Variants in ITPRID1 observed in about 807,000 individuals in gnomAD.
ITPRID1 encodes the protein ITPR interacting domain containing 1.
ITPRID1 carries 96 observed loss-of-function variants against 95.4 expected under a neutral mutation model. The observed-to-expected ratio is 1.01, with a 90% CI of 0.85 to 1.19. The LOEUF is 1.19. Ranked by LOEUF, ITPRID1 falls within the 50% of genes most tolerant of loss-of-function variation. The pLI, the probability that ITPRID1 is intolerant of heterozygous loss-of-function variation, is 0.00. For missense variants in ITPRID1, 1,339 were observed against 1,252.9 expected (o/e 1.07, Z -1.04); for synonymous variants, 510 against 453.6 (o/e 1.12, Z -1.58).
At chr7:31,603,029 A>G (rs1478906079) in intron 10 of ITPRID1, among the ~76,000 whole-genome samples, 1 of 151,330 alleles carries the variant, frequency 6.6e-6, no homozygotes, top group Non-Finnish European at 1.5e-5. Context: ...CTGGCTGCCC[A>G]TGTCTTGGGG....
At chr7:31,599,975 G>C (rs1010280334) in intron 10 of ITPRID1, among the ~76,000 whole-genome samples, 1 of 152,186 alleles carries the variant, frequency 6.6e-6, no homozygotes, top group African/African-American at 2.4e-5. Flanking sequence ...TGGGATTACA[G>C]GCGTGAGCCA....
intron 10 of ITPRID1, among the ~76,000 whole-genome samples, chr7:31,598,395 T>C (rs1671075012): frequency 7.6e-6 from 1 of 130,986 alleles, no homozygotes; most frequent in Admixed American, 7.4e-5. Context: ...TCTTTTTTTT[T>C]TTCTTTTTTT....
chr7:31,550,401 C>G (rs954268304), intron 2 of ITPRID1, among the ~76,000 whole-genome samples: 2 of 152,220 alleles, frequency 1.3e-5, no homozygotes, highest in Non-Finnish European at 2.9e-5. Flanking sequence ...AAAGAATTAG[C>G]AAGAACTAGG....
intron 1 of ITPRID1, among the ~76,000 whole-genome samples, chr7:31,527,920 A>AGTC (rs1783474503): frequency 6.6e-6 from 1 of 152,176 alleles, no homozygotes; most frequent in African/African-American, 2.4e-5. Context: ...TTCTATTTGG[A>AGTC]AGAGTTTTCT....
At chr7:31,636,867 A>G in intron 10 of ITPRID1, among the ~76,000 whole-genome samples, 1 of 129,442 alleles carries the variant, frequency 7.7e-6, no homozygotes, top group Admixed American at 7.6e-5. Context: ...TCCTAATGCT[A>G]TCCCTCCCCC....
chr7:31,595,635 A>G (rs925302925), intron 10 of ITPRID1, among the ~76,000 whole-genome samples: 4 of 152,218 alleles, frequency 2.6e-5, no homozygotes, highest in African/African-American at 4.8e-5. Context: ...AGGCAAATTC[A>G]TAGCACTGAT....
chr7:31,631,212 G>A (rs553434127), intron 10 of ITPRID1, among the ~76,000 whole-genome samples: 1 of 152,220 alleles, frequency 6.6e-6, no homozygotes, highest in African/African-American at 2.4e-5. Context: ...CCTATCAATT[G>A]TTTTTTACAG....
Position 31,653,994 on chromosome 7 carries a change from C to A in ITPRID1, c.*1165C>A, listed in dbSNP as rs534281047. 7.1e-6 allele frequency among the ~76,000 whole-genome samples: 1 copy of A among 140,090 alleles called. No homozygotes were observed. The highest frequency in any genetic ancestry group is 2.2e-4 in the East Asian group (1 of 4,558). 91.9% of individuals were successfully genotyped at this position (140,090 alleles called of 152,430 possible). A position where few individuals can be genotyped will look rare whatever the true frequency, so the allele number is the denominator to read the frequency against. ...CAGGCTACTATTCTAGTGCTGGAGA[C>A]AGCCATAAATAAGACAGATGGACTT... On this transcript the variant is annotated 3_prime_UTR_variant, in exon 15 of 15. Coordinates refer to ENST00000615280, the MANE Select transcript of ITPRID1 (RefSeq NM_001257967.3).
intron 6 of ITPRID1, among the ~76,000 whole-genome samples, chr7:31,570,339 C>T (rs938188422): frequency 6.6e-6 from 1 of 152,148 alleles, no homozygotes; most frequent in Non-Finnish European, 1.5e-5. Flanking sequence ...ACCTACTGAA[C>T]CAGATCATTT....
At chr7:31,619,340 A>T (rs1012486286) in intron 10 of ITPRID1, among the ~76,000 whole-genome samples, 3 of 152,196 alleles carry the variant, frequency 2.0e-5, no homozygotes, top group African/African-American at 7.2e-5. Context: ...GCCAACAATG[A>T]TTGGTGACAA....
At chr7:31,645,874 T>C (rs1265001921) in intron 12 of ITPRID1, among the ~76,000 whole-genome samples, 1 of 152,064 alleles carries the variant, frequency 6.6e-6, no homozygotes, top group Non-Finnish European at 1.5e-5. Context: ...ATGTCAGTAG[T>C]GTCAAGGCTG....
Position 31,578,106 on chromosome 7 carries a change from A to G in ITPRID1, c.842A>G (p.Asp281Gly). Reference protein sequence around the residue: ...PEVSESFKVKDEVFVPFTKPW... With the variant: ...PEVSESFKVKGEVFVPFTKPW... The stretch of plus-strand genomic sequence containing the variant: ...GTATCAGAGTCCTTCAAGGTGAAGG[A>G]TGAAGTTTTTGTTCCCTTTACAAAA... Residue 281 changes from aspartate to glycine, a missense_variant, in exon 9 of 15, where the codon GAT (aspartate) becomes GGT (glycine). Physicochemically the swap from Asp to Gly is moderately conservative, Grantham distance 94. Transcript: ENST00000615280. 2.5e-6 allele frequency: 4 copies of G among 1,613,766 alleles called. No individual in the cohort carries two copies. Among genetic ancestry groups the G allele is most frequent in the Non-Finnish European group, 3.4e-6 (4 of 1,179,810 alleles).
At chr7:31,538,662 A>G (rs1337771003) in intron 1 of ITPRID1, among the ~76,000 whole-genome samples, 1 of 152,206 alleles carries the variant, frequency 6.6e-6, no homozygotes, top group East Asian at 1.9e-4. Flanking sequence ...TCATAATTAC[A>G]TTTCATTTAT....
rs764636129 is a variant in ITPRID1, at chr7:31,554,568, A to T, written c.212+45A>T. 3.1e-6 allele frequency: 5 copies of T among 1,606,720 alleles called. No homozygotes were observed. In the African/African-American group the frequency reaches 5.3e-5, roughly 17 times the overall value. ...TGTGCCTTACATGTTTCTCTTGCAA[A>T]GATCCATGAAAACAATGTGTGTAAC... On this transcript the variant is annotated intron_variant, in intron 4 of 14. Coordinates refer to ENST00000615280, the MANE Select transcript of ITPRID1 (RefSeq NM_001257967.3).
At chr7:31,599,327 T>C (rs1048090113) in intron 10 of ITPRID1, among the ~76,000 whole-genome samples, 2 of 152,180 alleles carry the variant, frequency 1.3e-5, no homozygotes, top group African/African-American at 4.8e-5. Context: ...ATATATAAAG[T>C]ATATATTAAC....
intron 10 of ITPRID1, among the ~76,000 whole-genome samples, chr7:31,610,019 A>G (rs2128164155): frequency 6.6e-6 from 1 of 151,544 alleles, no homozygotes; most frequent in South Asian, 2.1e-4. Context: ...TTTCCCTGTG[A>G]TATCTTATTT....
At position 31,655,863 on chromosome 7, in the gene ITPRID1, T is replaced by C. The variant is rs1223148704; in HGVS notation, c.*3034T>C. On this transcript the variant is annotated 3_prime_UTR_variant, in exon 15 of 15. Coordinates refer to ENST00000615280, the MANE Select transcript of ITPRID1 (RefSeq NM_001257967.3). ...TTCCTTGCTCCTTCCCTGTAACGCCTACGGAATGAAGAGGAACACCTGGCT... is the reference window on the plus strand; with the variant it reads ...TTCCTTGCTCCTTCCCTGTAACGCCCACGGAATGAAGAGGAACACCTGGCT... 7 of 985,392 alleles carry C rather than the reference T, an allele frequency of 7.1e-6. No homozygotes were observed. Among genetic ancestry groups the C allele is most frequent in the Non-Finnish European group, 8.4e-6 (7 of 829,962 alleles). The allele number at this position is 985,392 out of a possible 1,614,324, so 61.0% of individuals were successfully genotyped here. A position where few individuals can be genotyped will look rare whatever the true frequency, so the allele number is the denominator to read the frequency against.
At chr7:31,550,208 T>G (rs1299352585) in intron 2 of ITPRID1, among the ~76,000 whole-genome samples, 1 of 152,028 alleles carries the variant, frequency 6.6e-6, no homozygotes, top group African/African-American at 2.4e-5. Flanking sequence ...CTCTTTTTTT[T>G]TTTTTTTGGT....
Position 31,655,486 on chromosome 7 carries a change from A to G in ITPRID1, c.*2657A>G, listed in dbSNP as rs1683598337. Among the ~76,000 whole-genome samples, 1 of 152,148 alleles carries G rather than the reference A, an allele frequency of 6.6e-6. No homozygotes were observed. The highest frequency in any genetic ancestry group is 2.4e-5 in the African/African-American group (1 of 41,438). ...CTCTCTCAGCCACCATGTGGGTCAT[A>G]TTTGCTGGATCTACAGTGAATACCC... On this transcript the variant is annotated 3_prime_UTR_variant, in exon 15 of 15. Coordinates refer to ENST00000615280, the MANE Select transcript of ITPRID1 (RefSeq NM_001257967.3).
Sources: gnomAD v4.1 joint callset for allele counts (sites outside exome capture counted in the v4.1 genomes callset) on GRCh38, gnomAD v4.1.1 for gene constraint, MANE v1.5 for transcripts, NCBI Gene and HGNC (gene_info 2026-07-23, HGNC 2026-07-21) for gene names.